NKAIN3: variants seen among roughly 807,000 people sequenced by gnomAD.
NKAIN3 encodes the protein sodium/potassium-transporting ATPase subunit beta-1-interacting protein 3.
Under a neutral mutation model 30.2 loss-of-function variants are expected in NKAIN3, and 25 were observed. That is an observed-to-expected ratio of 0.83 (90% confidence interval 0.60 to 1.16). The LOEUF is 1.16. Among genes scored for constraint, NKAIN3 ranks in the 50% most tolerant of loss-of-function variants. NKAIN3 has a pLI of 0.00. For missense variants in NKAIN3, 225 were observed against 254.1 expected, an observed-to-expected ratio of 0.89 and a Z score of 0.78; for synonymous variants, 91 against 89.6, an observed-to-expected ratio of 1.02 and a Z score of -0.09.
intron 3 of NKAIN3, among the ~76,000 whole-genome samples, chr8:62,596,886 A>G (rs1378965195): frequency 3.3e-5 from 5 of 152,092 alleles, no homozygotes. Flanking sequence ...TAAGAGTTGC[A>G]CAAGTGCACA....
intron 3 of NKAIN3, among the ~76,000 whole-genome samples, chr8:62,599,726 C>G (rs1490323952): frequency 6.6e-6 from 1 of 152,016 alleles, no homozygotes; most frequent in Non-Finnish European, 1.5e-5. Context: ...AACTTCACAG[C>G]TGTAACAGTA....
At chr8:62,548,582 T>C (rs1052974138) in intron 1 of NKAIN3, among the ~76,000 whole-genome samples, 4 of 151,992 alleles carry the variant, frequency 2.6e-5, no homozygotes, top group African/African-American at 9.7e-5. Context: ...GGAAAAAAAA[T>C]CCTTATTGGA....
At chr8:62,331,126 C>T (rs1238725900) in intron 1 of NKAIN3, among the ~76,000 whole-genome samples, 1 of 148,496 alleles carries the variant, frequency 6.7e-6, no homozygotes, top group Non-Finnish European at 1.5e-5. Context: ...TATGTATATC[C>T]CTTCCTCCCT....
chr8:62,839,262 C>T (rs1296884333), intron 4 of NKAIN3, among the ~76,000 whole-genome samples: 1 of 148,256 alleles, frequency 6.7e-6, no homozygotes, highest in African/African-American at 2.5e-5. Flanking sequence ...CTAAGCCTGA[C>T]AGACTATTCT....
At chr8:62,996,450 A>T (rs10096151) in intron 5 of NKAIN3, among the ~76,000 whole-genome samples, 43,213 of 151,966 alleles carry the variant, frequency 0.28, 6,366 homozygotes, top group South Asian at 0.37. Context: ...TTAGGTGGGG[A>T]CACAGCCAAA....
rs1823985460 is a variant in NKAIN3 at position 62,978,124 on chromosome 8, G to A, written c.*12717G>A. The stretch of plus-strand genomic sequence containing the variant: ...AGGGGCACCTGCCAGATGCTAGCCA[G>A]AGCTCTCCTGTATGAAGTGTCTGTC... On this transcript the variant is annotated 3_prime_UTR_variant, in exon 7 of 7. Transcript: ENST00000623646. 1 of 159,336 alleles carries A rather than the reference G, an allele frequency of 6.3e-6. No individual in the cohort carries two copies. The allele number at this position is 159,336 out of a possible 1,614,324, so 9.9% of individuals were successfully genotyped here.
chr8:62,323,258 G>A (rs1815001781), intron 1 of NKAIN3, among the ~76,000 whole-genome samples: 1 of 152,076 alleles, frequency 6.6e-6, no homozygotes, highest in Non-Finnish European at 1.5e-5. Context: ...GCTCATAATT[G>A]CCAAAACTTA....
chr8:62,938,427 A>C (rs558829662), intron 5 of NKAIN3, among the ~76,000 whole-genome samples: 4 of 152,238 alleles, frequency 2.6e-5, no homozygotes, highest in Non-Finnish European at 4.4e-5. Flanking sequence ...CTTTACTGCC[A>C]GCACAACCAG....
chr8:62,438,817 C>CAGAT (rs1805241972), intron 1 of NKAIN3, among the ~76,000 whole-genome samples: 1 of 152,136 alleles, frequency 6.6e-6, no homozygotes, highest in East Asian at 1.9e-4. Context: ...CCTGTCTTGG[C>CAGAT]CTCCCAGAGT....
chr8:62,901,569 A>G (rs1219239304), intron 4 of NKAIN3, among the ~76,000 whole-genome samples: 2 of 152,196 alleles, frequency 1.3e-5, no homozygotes, highest in African/African-American at 4.8e-5. Context: ...TGTGCAAGGC[A>G]GTGGAATTAG....
At chr8:62,740,631 A>G (rs1815834130) in intron 3 of NKAIN3, among the ~76,000 whole-genome samples, 2 of 65,194 alleles carry the variant, frequency 3.1e-5, no homozygotes. Context: ...TATACTGTAA[A>G]GAAGTGAATA....
chr8:62,946,753 A>T (rs1374059247), intron 5 of NKAIN3, among the ~76,000 whole-genome samples: 1 of 152,192 alleles, frequency 6.6e-6, no homozygotes, highest in Non-Finnish European at 1.5e-5. Context: ...AAAGCCTAAT[A>T]CCTACATAGC....
intron 3 of NKAIN3, among the ~76,000 whole-genome samples, chr8:62,670,690 A>AGGT (rs1169272050): frequency 6.6e-6 from 1 of 152,152 alleles, no homozygotes; most frequent in Non-Finnish European, 1.5e-5. Context: ...AAAAGAGACC[A>AGGT]GGTTCTTTCC....
intron 1 of NKAIN3, chr8:62,483,563 C>T (rs1052347722): frequency 1.0e-4 from 18 of 172,398 alleles, no homozygotes; most frequent in African/African-American, 4.3e-4. Context: ...GACGGACCTC[C>T]ACTTCTAGTC....
At chr8:62,850,275 G>A (rs1586266522) in intron 4 of NKAIN3, among the ~76,000 whole-genome samples, 1 of 152,030 alleles carries the variant, frequency 6.6e-6, no homozygotes, top group African/African-American at 2.4e-5. Context: ...GTCTGTTCAG[G>A]TCCTTCACCC....
In NKAIN3 at chr8:62,966,434, C is replaced by T; in HGVS notation, c.*1027C>T. 1.0e-6 allele frequency: 1 copy of T among 969,486 alleles called. No homozygotes were observed. The highest frequency in any genetic ancestry group is 1.2e-6 in the Non-Finnish European group (1 of 815,488). The allele number at this position is 969,486 out of a possible 1,614,324, so 60.1% of individuals were successfully genotyped here. The stretch of plus-strand genomic sequence containing the variant: ...ACGCATCACAGTTGTATTTTTTTAA[C>T]TGGCATAAAACTTACATATGGTAAA... On this transcript the variant is annotated 3_prime_UTR_variant, in exon 7 of 7. Transcript: ENST00000623646.
chr8:62,854,755 T>C (rs886305044), intron 4 of NKAIN3, among the ~76,000 whole-genome samples: 9 of 152,198 alleles, frequency 5.9e-5, no homozygotes, highest in African/African-American at 2.2e-4. Context: ...TAGCTGATTA[T>C]TTTTGCAGAC....
intron 5 of NKAIN3, among the ~76,000 whole-genome samples, chr8:62,927,284 G>A (rs927839673): frequency 2.0e-5 from 3 of 152,210 alleles, no homozygotes; most frequent in African/African-American, 7.2e-5. Context: ...ATCTTATCAA[G>A]ATTGATTGAC....
chr8:62,919,227 A>ATTTTTTTTTTTTTTTTTTTTTT (rs71255371), intron 5 of NKAIN3, among the ~76,000 whole-genome samples: 2 of 47,188 alleles, frequency 4.2e-5, no homozygotes, highest in Non-Finnish European at 3.6e-5. Context: ...TACTTTCAAA[A>ATTTTTTTTTTTTTTTTTTTTTT]TTTTTTTTTT....
Sources: allele counts gnomAD v4.1 joint callset (sites outside exome capture counted in the v4.1 genomes callset), GRCh38; gene constraint gnomAD v4.1.1; transcripts MANE v1.5; gene names NCBI Gene and HGNC (gene_info 2026-07-23, HGNC 2026-07-21).